IL1RAPL2: variants seen among roughly 807,000 people sequenced by gnomAD.
IL1RAPL2 encodes X-linked interleukin-1 receptor accessory protein-like 2.
A neutral mutation model predicts 44.1 loss-of-function variants in IL1RAPL2; 3 were observed. The ratio of observed to expected loss-of-function variants is 0.07; its 90% CI spans 0.03 to 0.18. The LOEUF (loss-of-function observed/expected upper bound fraction) is 0.18. Ranked by LOEUF, IL1RAPL2 falls within the 10% of genes least tolerant of loss-of-function variation. The pLI, the probability that IL1RAPL2 is intolerant of heterozygous loss-of-function variation, is 1.00. For synonymous variants in IL1RAPL2, 181 were observed against 178.8 expected (o/e 1.01, Z -0.10); for missense variants, 391 against 496.4 (o/e 0.79, Z 2.02).
intron 3 of IL1RAPL2, among the ~76,000 whole-genome samples, chrX:105,208,296 G>A (rs1556154390): frequency 9.0e-6 from 1 of 111,731 alleles, no homozygotes; most frequent in South Asian, 3.8e-4. Context: ...AGGTAATAAG[G>A]CACGTTTTTT....
At chrX:104,643,505 A>C (rs1247771059) in intron 1 of IL1RAPL2, among the ~76,000 whole-genome samples, 1 of 111,870 alleles carries the variant, frequency 8.9e-6, no homozygotes, top group Non-Finnish European at 1.9e-5. Context: ...GTGGTGAACC[A>C]GTTGCTACCT....
At chrX:104,898,941 T>C (rs773035968) in intron 2 of IL1RAPL2, among the ~76,000 whole-genome samples, 39 of 112,546 alleles carry the variant, frequency 3.5e-4, no homozygotes, top group Non-Finnish European at 6.4e-4. Flanking sequence ...ATAATAAGAA[T>C]ATACTTTTTA....
In IL1RAPL2 at chrX:105,313,792, A is replaced by G. The variant is rs762052776; in HGVS notation, c.697+46251A>G. Among the ~76,000 whole-genome samples, 3 of 111,496 alleles carry G rather than the reference A, an allele frequency of 2.7e-5. No individual in the cohort carries two copies. The Admixed American group carries it at 2.9e-4, about 11-fold the overall frequency. On this transcript the variant is annotated intron_variant, in intron 5 of 10. Coordinates refer to ENST00000372582, the MANE Select transcript of IL1RAPL2 (RefSeq NM_017416.2). ...AGTTTAATAACATAACTGCTTTGTT[A>G]CTCACCAAAGTTTAGGTAAATAAAT...
At chrX:105,061,771 A>T (rs76055003) in intron 2 of IL1RAPL2, among the ~76,000 whole-genome samples, 29 of 112,047 alleles carry the variant, frequency 2.6e-4, no homozygotes, top group Non-Finnish European at 5.1e-4. Context: ...TTGCTGAATT[A>T]GCCCCTTTAT....
chrX:104,635,113 G>A (rs1190980624), intron 1 of IL1RAPL2, among the ~76,000 whole-genome samples: 1 of 111,041 alleles, frequency 9.0e-6, no homozygotes, highest in Non-Finnish European at 1.9e-5. Context: ...GCTTAATTTG[G>A]CTGGATATGA....
intron 6 of IL1RAPL2, among the ~76,000 whole-genome samples, chrX:105,522,267 A>G (rs2036564694): frequency 8.9e-6 from 1 of 112,306 alleles, no homozygotes; most frequent in Admixed American, 9.5e-5. Flanking sequence ...TTTCATGGCT[A>G]TGTTAGTACT....
chrX:105,370,945 G>A (rs2035334542), intron 5 of IL1RAPL2, among the ~76,000 whole-genome samples: 1 of 112,182 alleles, frequency 8.9e-6, no homozygotes, highest in South Asian at 3.7e-4. Flanking sequence ...TGACTGGTGT[G>A]AGATGTTATC....
chrX:105,571,890 C>A (rs1337226417), intron 6 of IL1RAPL2, among the ~76,000 whole-genome samples: 1 of 110,339 alleles, frequency 9.1e-6, no homozygotes, highest in Non-Finnish European at 1.9e-5. Context: ...TCCAAAGATA[C>A]CTACTCAAAA....
intron 2 of IL1RAPL2, among the ~76,000 whole-genome samples, chrX:105,107,410 A>G (rs937624882): frequency 1.8e-5 from 2 of 112,367 alleles, no homozygotes; most frequent in Admixed American, 1.9e-4. Flanking sequence ...ACTAGAAAAT[A>G]GGAAAACAGC....
At chrX:104,678,870 G>A (rs764699746) in intron 2 of IL1RAPL2, among the ~76,000 whole-genome samples, 2 of 111,186 alleles carry the variant, frequency 1.8e-5, no homozygotes, top group South Asian at 3.9e-4. Flanking sequence ...AACACCTAAT[G>A]TAGATGACAG....
At chrX:105,136,196 T>G (rs777020865) in intron 2 of IL1RAPL2, among the ~76,000 whole-genome samples, 1 of 112,219 alleles carries the variant, frequency 8.9e-6, no homozygotes, top group South Asian at 3.7e-4. Flanking sequence ...TTTTTTTTAT[T>G]GAAAGGAAAT....
intron 2 of IL1RAPL2, among the ~76,000 whole-genome samples, chrX:104,860,642 A>C (rs73635165): frequency 0.024 from 2,626 of 110,998 alleles, 84 homozygotes; most frequent in African/African-American, 0.081. Context: ...CCTAATTCAA[A>C]AATCTAACTC....
In IL1RAPL2 at chrX:104,585,300, T is replaced by C. The variant is rs867737349; in HGVS notation, c.-20+18249T>C. 4.2e-3 allele frequency among the ~76,000 whole-genome samples: 93 copies of C among 21,883 alleles called. 6 individuals carry two copies. Among genetic ancestry groups the C allele is most frequent in the Non-Finnish European group, 4.2e-3 (66 of 15,766 alleles). The allele number at this position is 21,883 out of a possible 115,157, so 19.0% of individuals were successfully genotyped here. A position where few individuals can be genotyped will look rare whatever the true frequency, so the allele number is the denominator to read the frequency against. On this transcript the variant is annotated intron_variant, in intron 1 of 10. Transcript: ENST00000372582. Reference sequence around the variant, plus strand: ...ATATATTATATAATATATTATATATTATATATTATATAATATATATTATAT... The same window carrying C: ...ATATATTATATAATATATTATATATCATATATTATATAATATATATTATAT...
At chrX:105,318,742 T>A (rs1306751984) in intron 5 of IL1RAPL2, among the ~76,000 whole-genome samples, 1 of 111,383 alleles carries the variant, frequency 9.0e-6, no homozygotes, top group Non-Finnish European at 1.9e-5. Flanking sequence ...TAGAACTGTT[T>A]ATTGAATAAG....
chrX:104,947,428 C>T (rs1475197604), intron 2 of IL1RAPL2, among the ~76,000 whole-genome samples: 1 of 97,731 alleles, frequency 1.0e-5, no homozygotes, highest in Non-Finnish European at 2.1e-5. Flanking sequence ...TAATTAGATC[C>T]CATTTGTCAA....
At chrX:105,590,816 TG>T (rs2037163690) in intron 6 of IL1RAPL2, among the ~76,000 whole-genome samples, 1 of 37,978 alleles carries the variant, frequency 2.6e-5, no homozygotes, top group Non-Finnish European at 4.5e-5. Flanking sequence ...CCTGAATTTG[TG>T]TGTGTGTGTG....
intron 6 of IL1RAPL2, among the ~76,000 whole-genome samples, chrX:105,680,665 TCAA>T (rs1300586847): frequency 9.0e-5 from 10 of 111,660 alleles, no homozygotes; most frequent in Non-Finnish European, 1.5e-4. Flanking sequence ...TCTGAAGGGG[TCAA>T]CAAGGAGAAT....
intron 2 of IL1RAPL2, among the ~76,000 whole-genome samples, chrX:105,087,451 A>C (rs1277332320): frequency 3.6e-5 from 4 of 112,211 alleles, no homozygotes; most frequent in Non-Finnish European, 5.6e-5. Flanking sequence ...ACAGATCAAA[A>C]TTAAGCAAAC....
intron 2 of IL1RAPL2, among the ~76,000 whole-genome samples, chrX:104,886,609 A>G (rs187329187): frequency 8.9e-6 from 1 of 112,237 alleles, no homozygotes; most frequent in East Asian, 2.8e-4. Flanking sequence ...ATTCCTGTAT[A>G]TCCAGTTGTA....
Sources: gnomAD v4.1 joint callset for allele counts (sites outside exome capture counted in the v4.1 genomes callset) on GRCh38, gnomAD v4.1.1 for gene constraint, MANE v1.5 for transcripts, NCBI Gene and HGNC (gene_info 2026-07-23, HGNC 2026-07-21) for gene names.